The following CCDC32 variants were observed in gnomAD, a reference collection of about 807,000 sequenced individuals.
CCDC32 encodes coiled-coil domain-containing protein 32.
Under a neutral mutation model 20.1 loss-of-function variants are expected in CCDC32, and 9 were observed. The observed-to-expected ratio is 0.45, with a 90% CI of 0.27 to 0.78. The LOEUF is 0.78. Among genes scored for constraint, CCDC32 ranks in the 30% least tolerant of loss-of-function variants. CCDC32 has a pLI of 0.16. For missense variants in CCDC32, 204 were observed against 215.5 expected (o/e 0.95, Z 0.33); for synonymous variants, 63 against 79.0 (o/e 0.80, Z 1.07).
chr15:40,554,150 G>A, intron 3 of CCDC32, 23 bp from the exon 4 acceptor site: 2 of 1,602,306 alleles, frequency 1.2e-6, no homozygotes, highest in Non-Finnish European at 1.7e-6. Flanking sequence ...AGAATAAAAG[G>A]GTGGCTGTGT....
At chr15:40,535,252 G>A (rs940973589), downstream of CCDC32, 19 of 1,382,008 alleles carry the variant, frequency 1.4e-5, no homozygotes, top group Non-Finnish European at 1.7e-5. Context: ...CTACATGAGA[G>A]GCAATGACTA....
chr15:40,550,237 A>G (rs1183957054), downstream of CCDC32, among the ~76,000 whole-genome samples: 1 of 152,148 alleles, frequency 6.6e-6, no homozygotes, highest in East Asian at 1.9e-4. Context: ...AAGCTTTAGC[A>G]CTAAATATTG....
At chr15:40,524,146 CTTTTTTTTTTTTTTTTT>C, downstream of CCDC32, among the ~76,000 whole-genome samples, 1 of 89,176 alleles carries the variant, frequency 1.1e-5, no homozygotes, top group East Asian at 3.4e-4. Context: ...CATGCATAAT[CTTTTTTTTTTTTTTTTT>C]TTTTTTTTTT....
chr15:40,541,676 A>G (rs1889401497), intron 3 of CCDC32, among the ~76,000 whole-genome samples: 1 of 152,194 alleles, frequency 6.6e-6, no homozygotes, highest in Non-Finnish European at 1.5e-5. Flanking sequence ...CGACAGCCCT[A>G]ACTACCCACA....
intron 3 of CCDC32, among the ~76,000 whole-genome samples, chr15:40,540,778 T>A (rs573338563): frequency 4.6e-5 from 7 of 151,926 alleles, no homozygotes; most frequent in Non-Finnish European, 1.0e-4. Flanking sequence ...GACAGTAGAG[T>A]CAGTGCCCCT....
At chr15:40,539,136 AGTT>A, downstream of CCDC32, 11 of 926,310 alleles carry the variant, frequency 1.2e-5, no homozygotes, top group Non-Finnish European at 1.7e-5. Flanking sequence ...AGAGGGAAGT[AGTT>A]GTTGCTGTTT....
downstream of CCDC32, chr15:40,539,123 G>T: frequency 1.2e-6 from 1 of 842,418 alleles, no homozygotes; most frequent in Non-Finnish European, 1.9e-6. Flanking sequence ...TGAGGGCTGG[G>T]CCAGAGGGAA....
chr15:40,549,372 G>A (rs1889748741), downstream of CCDC32, among the ~76,000 whole-genome samples: 1 of 152,124 alleles, frequency 6.6e-6, no homozygotes, highest in African/African-American at 2.4e-5. Context: ...CTTTGCACAT[G>A]CTGTTTTCCT....
chr15:40,543,141 A>T (rs897908097), intron 3 of CCDC32, among the ~76,000 whole-genome samples: 14 of 80,340 alleles, frequency 1.7e-4, no homozygotes, highest in Admixed American at 2.5e-4. Flanking sequence ...GACTCTGTCT[A>T]AAAAAAAAAA....
downstream of CCDC32, among the ~76,000 whole-genome samples, chr15:40,532,619 A>G (rs980468417): frequency 6.6e-6 from 1 of 151,498 alleles, no homozygotes; most frequent in Non-Finnish European, 1.5e-5. Context: ...TTCACTTAAC[A>G]TTAGTTATAA....
At chr15:40,559,514 T>C (rs1890478725) in intron 2 of CCDC32, among the ~76,000 whole-genome samples, 1 of 152,192 alleles carries the variant, frequency 6.6e-6, no homozygotes, top group South Asian at 2.1e-4. Flanking sequence ...GGCTACCACA[T>C]GCAGAATTTT....
At chr15:40,530,112 T>G (rs1363631092), downstream of CCDC32, among the ~76,000 whole-genome samples, 1 of 150,474 alleles carries the variant, frequency 6.6e-6, no homozygotes, top group Non-Finnish European at 1.5e-5. Context: ...GCCAACATGG[T>G]GAAACCCCAT....
chr15:40,544,403 G>A (rs909085731), intron 3 of CCDC32, among the ~76,000 whole-genome samples: 2 of 152,032 alleles, frequency 1.3e-5, no homozygotes, highest in African/African-American at 4.8e-5. Context: ...TTTTTGTAGA[G>A]ACGGGGTCTC....
chr15:40,522,545 G>A, the CCDC32 span, among the ~76,000 whole-genome samples: 1 of 152,132 alleles, frequency 6.6e-6, no homozygotes, highest in Non-Finnish European at 1.5e-5. Context: ...GATCATTTTG[G>A]GGAAAACTGG....
downstream of CCDC32, chr15:40,532,320 G>C (rs903311387): frequency 4.3e-6 from 3 of 702,536 alleles, no homozygotes; most frequent in African/African-American, 3.5e-5. Flanking sequence ...AGAAGAGTAC[G>C]TAGATTTATG....
the CCDC32 span, among the ~76,000 whole-genome samples, chr15:40,521,698 T>C: frequency 7.2e-5 from 11 of 152,336 alleles, no homozygotes; most frequent in East Asian, 2.1e-3. Flanking sequence ...TGTTAAGTGG[T>C]ATCTCATTGT....
At chr15:40,521,792 T>C in the CCDC32 span, among the ~76,000 whole-genome samples, 1 of 152,210 alleles carries the variant, frequency 6.6e-6, no homozygotes, top group Non-Finnish European at 1.5e-5. Context: ...CTTTGCCCAT[T>C]GTTTAATTGG....
chr15:40,542,833 G>A (rs1278477230), intron 3 of CCDC32, among the ~76,000 whole-genome samples: 8 of 150,442 alleles, frequency 5.3e-5, no homozygotes. Flanking sequence ...CTGGGGGACA[G>A]AGCGAGACTT....
At chr15:40,532,319 C>T (rs568077418), downstream of CCDC32, 142 of 702,628 alleles carry the variant, frequency 2.0e-4, no homozygotes, top group South Asian at 1.7e-3. Context: ...AAGAAGAGTA[C>T]GTAGATTTAT....
Sources: allele counts gnomAD v4.1 joint callset (sites outside exome capture counted in the v4.1 genomes callset), GRCh38; gene constraint gnomAD v4.1.1; transcripts MANE v1.5; gene names NCBI Gene and HGNC (gene_info 2026-07-23, HGNC 2026-07-21).